Variants in ASMTL observed in about 807,000 individuals in gnomAD.
ASMTL encodes probable bifunctional dTTP/UTP pyrophosphatase/methyltransferase protein.
ASMTL carries 57 observed loss-of-function variants against 60.3 expected under a neutral mutation model. The observed-to-expected ratio is 0.95, with a 90% CI of 0.76 to 1.18. The LOEUF is 1.18. ASMTL is among the 50% of genes most tolerant of loss of function. ASMTL has a pLI of 0.00. For synonymous variants in ASMTL, 419 were observed against 373.0 expected, an observed-to-expected ratio of 1.12 and a Z score of -1.42; for missense variants, 981 against 852.6, an observed-to-expected ratio of 1.15 and a Z score of -1.88.
intron 1 of ASMTL, among the ~76,000 whole-genome samples, chrX:1,446,122 G>C (rs2091225701): frequency 6.6e-6 from 1 of 152,192 alleles, no homozygotes; most frequent in South Asian, 2.1e-4. Flanking sequence ...GAGCAAATTA[G>C]TGAAAGTACT....
intron 4 of ASMTL, chrX:1,435,316 G>T: frequency 1.6e-6 from 1 of 624,942 alleles, no homozygotes; most frequent in Non-Finnish European, 2.9e-6. Context: ...GCCAGGCCAG[G>T]CAGCTCTCAG....
chrX:1,416,588 CAT>C (rs2090281154), intron 11 of ASMTL, among the ~76,000 whole-genome samples: 1 of 108,844 alleles, frequency 9.2e-6, no homozygotes, highest in Non-Finnish European at 2.1e-5. Flanking sequence ...GACACACAGA[CAT>C]ACACACATAT....
chrX:1,450,631 C>T (rs1283837942), intron 1 of ASMTL, among the ~76,000 whole-genome samples: 3 of 128,838 alleles, frequency 2.3e-5, no homozygotes, highest in African/African-American at 5.8e-5. Flanking sequence ...CTGGGTCACT[C>T]TCCCCTCCCC....
intron 2 of ASMTL, among the ~76,000 whole-genome samples, chrX:1,441,336 G>C (rs1180909956): frequency 4.6e-5 from 7 of 151,976 alleles, no homozygotes; most frequent in Admixed American, 2.0e-4. Context: ...GAGTGCAGTG[G>C]GATGATCTCG....
At position 1,425,550 on chromosome X, in the gene ASMTL, C is replaced by T; in HGVS notation, c.1035G>A (p.Met345Ile). 2 of 1,613,272 alleles carry T rather than the reference C, an allele frequency of 1.2e-6. No individual in the cohort carries two copies. The highest frequency in any genetic ancestry group is 1.7e-6 in the Non-Finnish European group (2 of 1,179,762). Residue 345 changes from methionine (M) to isoleucine (I), a missense_variant, in exon 8 of 13, where the codon ATG (methionine) becomes ATA (isoleucine). By Grantham distance (10) the Met-to-Ile change is conservative. Coordinates refer to ENST00000381317, the MANE Select transcript of ASMTL (RefSeq NM_004192.4). ...MERLLDICAAMGLLEKTEQGY... is the reference protein window; with the variant it reads ...MERLLDICAAIGLLEKTEQGY... ...CTTGCTCTGTCTTCTCCAGGAGCCCCATGGCAGCACAGATGTCCAGAAGCC... is the reference window on the plus strand; with the variant it reads ...CTTGCTCTGTCTTCTCCAGGAGCCCTATGGCAGCACAGATGTCCAGAAGCC...
At chrX:1,452,996 G>A (rs117956380), upstream of ASMTL, 1 of 580,598 alleles carries the variant, frequency 1.7e-6, no homozygotes, top group Non-Finnish European at 2.9e-6. Flanking sequence ...CGCGCCTTCA[G>A]TGGCCTCCCC....
chrX:1,452,747 C>T lies in ASMTL; in HGVS notation c.93+1G>A, dbSNP rs759844466. ...CTGCCCCGCCCAGGCCCAGGCCGTA[C>T]CGCGTTGCTGAGGATCTCCTGACGG... On this transcript the variant is annotated splice_donor_variant, in intron 1 of 12. Transcript: ENST00000381317. LOFTEE classifies it high-confidence loss of function. 2 of 1,588,650 alleles carry T rather than the reference C, an allele frequency of 1.3e-6. No homozygotes were observed. Among genetic ancestry groups the T allele is most frequent in the East Asian group, 2.3e-5 (1 of 44,222 alleles).
intron 1 of ASMTL, among the ~76,000 whole-genome samples, chrX:1,447,626 A>C (rs1177610631): frequency 2.7e-5 from 4 of 150,692 alleles, no homozygotes; most frequent in African/African-American, 9.8e-5. Context: ...ATCTTGGATA[A>C]GCACCACCAT....
At chrX:1,436,972 G>A (rs1275654038) in intron 3 of ASMTL, among the ~76,000 whole-genome samples, 2 of 152,180 alleles carry the variant, frequency 1.3e-5, no homozygotes, top group Non-Finnish European at 2.9e-5. Flanking sequence ...GGGCAGGGCT[G>A]GTTCCTCCTG....
chrX:1,412,648 C>A (rs2090074306), intron 12 of ASMTL, 84 bp downstream of exon 12: 2 of 1,585,470 alleles, frequency 1.3e-6, no homozygotes, highest in Admixed American at 3.3e-5. Flanking sequence ...CAGGCGTGAG[C>A]CACCGCGCCC....
At chrX:1,404,850 AG>A (rs2089749347) in intron 12 of ASMTL, among the ~76,000 whole-genome samples, 2 of 149,124 alleles carry the variant, frequency 1.3e-5, no homozygotes, top group East Asian at 4.1e-4. Flanking sequence ...ATAGGTAGGA[AG>A]ATGAATAGTT....
intron 6 of ASMTL, 117 bp downstream of exon 6, chrX:1,432,152 C>T: frequency 3.7e-6 from 3 of 814,862 alleles, no homozygotes; most frequent in Non-Finnish European, 6.0e-6. Context: ...CCCTGTGCCA[C>T]ACGGCCCCCG....
chrX:1,446,449 C>T (rs753734816), intron 1 of ASMTL, among the ~76,000 whole-genome samples: 73 of 151,824 alleles, frequency 4.8e-4, no homozygotes, highest in Middle Eastern at 3.4e-3. Context: ...TGCCTCCGCA[C>T]ACAGGGAGAG....
At chrX:1,439,601 C>T (rs1272006714) in intron 2 of ASMTL, among the ~76,000 whole-genome samples, 1 of 152,120 alleles carries the variant, frequency 6.6e-6, no homozygotes, top group African/African-American at 2.4e-5. Flanking sequence ...CATCCCAGCA[C>T]TCTGGGAGGC....
At chrX:1,442,807 A>G (rs2091135742) in intron 1 of ASMTL, among the ~76,000 whole-genome samples, 1 of 152,108 alleles carries the variant, frequency 6.6e-6, no homozygotes, top group Non-Finnish European at 1.5e-5. Flanking sequence ...GTACCCAGGA[A>G]GAGACAACAC....
intron 2 of ASMTL, among the ~76,000 whole-genome samples, chrX:1,440,980 G>A (rs1175706719): frequency 6.6e-6 from 1 of 151,802 alleles, no homozygotes; most frequent in Non-Finnish European, 1.5e-5. Context: ...TTCAAACATA[G>A]TAACAAGCTA....
intron 11 of ASMTL, among the ~76,000 whole-genome samples, chrX:1,415,968 C>G (rs2090231516): frequency 6.6e-6 from 1 of 151,964 alleles, no homozygotes. Flanking sequence ...CACAGATACA[C>G]TGACAGGTAC....
intron 3 of ASMTL, among the ~76,000 whole-genome samples, chrX:1,437,732 C>A (rs1449333761): frequency 1.3e-5 from 2 of 151,498 alleles, no homozygotes; most frequent in Admixed American, 1.3e-4. Flanking sequence ...CCCGTCTCTA[C>A]TAAAAATACA....
chrX:1,421,521 C>T (rs1423537336), intron 9 of ASMTL, 137 bp downstream of exon 9: 3 of 924,500 alleles, frequency 3.2e-6, no homozygotes, highest in Non-Finnish European at 5.0e-6. Flanking sequence ...ACTAAGTTCT[C>T]CAGGCAGAAC....
Sources: gnomAD v4.1 joint callset for allele counts (sites outside exome capture counted in the v4.1 genomes callset) on GRCh38, gnomAD v4.1.1 for gene constraint, MANE v1.5 for transcripts, NCBI Gene and HGNC (gene_info 2026-07-23, HGNC 2026-07-21) for gene names.